The following TRERF1 variants were observed in gnomAD, a reference collection of about 807,000 sequenced individuals.
The protein encoded by TRERF1 is transcriptional-regulating factor 1.
TRERF1 carries 27 observed loss-of-function variants against 122.9 expected under a neutral mutation model. The ratio of observed to expected loss-of-function variants is 0.22; its 90% CI spans 0.16 to 0.30. The LOEUF (loss-of-function observed/expected upper bound fraction) is 0.30, where lower values mean the gene tolerates loss of function less well. TRERF1 is among the 10% of genes least tolerant of loss of function. The probability of loss-of-function intolerance (pLI) is 1.00; values close to 1 mark genes in which losing one functional copy is unlikely to be tolerated. For synonymous variants in TRERF1, 636 were observed against 641.7 expected (o/e 0.99, Z 0.13); for missense variants, 1,248 against 1,560.3 (o/e 0.80, Z 3.37).
At chr6:42,425,502 T>C (rs1373677537) in intron 2 of TRERF1, among the ~76,000 whole-genome samples, 3 of 141,490 alleles carry the variant, frequency 2.1e-5, no homozygotes, top group Non-Finnish European at 4.6e-5. Context: ...CCCTTTCACA[T>C]ACCTAAACCG....
exon 18 of TRERF1, chr6:42,226,066 T>C (rs1769461153): frequency 6.6e-6 from 1 of 152,222 alleles, no homozygotes; most frequent in South Asian, 2.1e-4. Flanking sequence ...AGGAAGTCCA[T>C]TCTTTAAGTT....
chr6:42,296,340 C>G (rs1035830933), intron 4 of TRERF1, among the ~76,000 whole-genome samples: 1 of 152,206 alleles, frequency 6.6e-6, no homozygotes, highest in African/African-American at 2.4e-5. Context: ...CCATTTTAAT[C>G]TCATTTTATA....
chr6:42,364,902 C>T (rs992735161), intron 2 of TRERF1, among the ~76,000 whole-genome samples: 5 of 152,078 alleles, frequency 3.3e-5, no homozygotes, highest in African/African-American at 1.2e-4. Flanking sequence ...TCCCAGGGGC[C>T]GCAGGAAGCA....
chr6:42,377,118 G>A lies in TRERF1; in HGVS notation c.-453-14039C>T, dbSNP rs528406640. ...TGACCTTAGGTGATCCACCTGTCTC[G>A]GCCTCCCAAAGTGCTGGAATTACAG... On this transcript the variant is annotated intron_variant, in intron 2 of 17. Coordinates refer to ENST00000372922, the Ensembl canonical transcript of TRERF1. Among the ~76,000 whole-genome samples the A allele has an allele frequency of 1.6e-4, 23 of 145,066 alleles. No individual in the cohort carries two copies. The East Asian group carries it at 1.9e-3, about 12-fold the overall frequency.
chr6:42,338,969 C>G (rs1157016728), intron 3 of TRERF1, among the ~76,000 whole-genome samples: 12 of 152,208 alleles, frequency 7.9e-5, no homozygotes, highest in Non-Finnish European at 2.9e-5. Flanking sequence ...TGCCCACCTC[C>G]ACTAGAGAGG....
At chr6:42,374,150 AAAGAAGAAGAAG>A (rs762812010) in intron 2 of TRERF1, among the ~76,000 whole-genome samples, 3 of 144,034 alleles carry the variant, frequency 2.1e-5, no homozygotes, top group Admixed American at 7.0e-5. Flanking sequence ...AAAAAAAAAA[AAAGAAGAAGAAG>A]AAGAAGAAGA....
intron 2 of TRERF1, among the ~76,000 whole-genome samples, chr6:42,439,068 G>A (rs1785998155): frequency 6.6e-6 from 1 of 152,198 alleles, no homozygotes; most frequent in Non-Finnish European, 1.5e-5. Flanking sequence ...AGGCGAGATG[G>A]AGAGAGAAAT....
At chr6:42,421,420 CCA>C (rs1782744579) in intron 2 of TRERF1, among the ~76,000 whole-genome samples, 2 of 152,162 alleles carry the variant, frequency 1.3e-5, no homozygotes. Flanking sequence ...TTCATCTGGT[CCA>C]CTCAGACTTT....
intron 13 of TRERF1, among the ~76,000 whole-genome samples, chr6:42,247,907 T>C (rs984213774): frequency 6.6e-6 from 1 of 152,118 alleles, no homozygotes; most frequent in Non-Finnish European, 1.5e-5. Context: ...ACTTCATTAG[T>C]GGGGTACACT....
intron 3 of TRERF1, among the ~76,000 whole-genome samples, chr6:42,314,734 T>A (rs1029896091): frequency 6.6e-6 from 1 of 151,950 alleles, no homozygotes; most frequent in African/African-American, 2.4e-5. Flanking sequence ...AACAATGAGA[T>A]CTGGGGAAAG....
intron 2 of TRERF1, among the ~76,000 whole-genome samples, chr6:42,429,664 A>G (rs916209207): frequency 2.0e-5 from 3 of 152,202 alleles, no homozygotes; most frequent in African/African-American, 7.2e-5. Context: ...CGAGCCCCCA[A>G]GGACACAGCA....
At position 42,232,836 on chromosome 6, in the gene TRERF1, G is replaced by A. The variant is rs757923715; in HGVS notation, c.3123C>T (p.Asn1041=). ...TGGCACCTCGGGCCTTGGTCACCTGGTTGGTGCCCCCGTGGATGCGGGCAT... is the reference window on the plus strand; with the variant it reads ...TGGCACCTCGGGCCTTGGTCACCTGATTGGTGCCCCCGTGGATGCGGGCAT... Residue 1041 remains asparagine, a synonymous_variant, in exon 17 of 18, where the codon AAC becomes AAT. Transcript: ENST00000372922. This position sits in a 1 kb window ranked among gnomAD's most constrained non-coding sequence, Gnocchi z 4.5. 4.3e-6 allele frequency: 7 copies of A among 1,612,004 alleles called. No homozygotes were observed. The highest frequency in any genetic ancestry group is 1.3e-5 in the African/African-American group (1 of 74,904).
At chr6:42,280,109 T>C (rs1438921990) in intron 4 of TRERF1, among the ~76,000 whole-genome samples, 1 of 151,888 alleles carries the variant, frequency 6.6e-6, no homozygotes, top group Non-Finnish European at 1.5e-5. Flanking sequence ...ATTCTGTAAA[T>C]ACCGGCGGCG....
Position 42,312,854 on chromosome 6 carries a change from C to T in TRERF1, c.-370-12105G>A, listed in dbSNP as rs373136999. 1.6e-4 allele frequency among the ~76,000 whole-genome samples: 25 copies of T among 152,294 alleles called. 1 individual carries two copies. The East Asian group carries it at 4.0e-3, about 25-fold the overall frequency. On this transcript the variant is annotated intron_variant, in intron 3 of 17. Transcript: ENST00000372922. ...ACAAGGGCAGAGTGGGAGACAGACA[C>T]GAAATAGGTTCTACCAATGTTCCTT...
At chr6:42,312,400 A>G (rs1013447323) in intron 3 of TRERF1, among the ~76,000 whole-genome samples, 6 of 152,186 alleles carry the variant, frequency 3.9e-5, no homozygotes, top group African/African-American at 1.2e-4. Context: ...CCTACTTTAG[A>G]GTTTCCGAAG....
intron 4 of TRERF1, among the ~76,000 whole-genome samples, chr6:42,273,242 T>C (rs1374765201): frequency 1.3e-5 from 2 of 152,144 alleles, no homozygotes; most frequent in Non-Finnish European, 2.9e-5. Context: ...AATTATTTGA[T>C]TAATGGATCT....
At chr6:42,360,360 T>C (rs1193312410) in intron 3 of TRERF1, among the ~76,000 whole-genome samples, 1 of 152,218 alleles carries the variant, frequency 6.6e-6, no homozygotes, top group Non-Finnish European at 1.5e-5. Flanking sequence ...AATTAGAAAT[T>C]AAACGGGATT....
chr6:42,277,847 G>GA (rs1561893882), intron 4 of TRERF1, among the ~76,000 whole-genome samples: 2 of 133,094 alleles, frequency 1.5e-5, no homozygotes, highest in Non-Finnish European at 3.2e-5. Context: ...AAATAAATAA[G>GA]AAGAAGAAAG....
intron 2 of TRERF1, among the ~76,000 whole-genome samples, chr6:42,436,796 T>C (rs1785433441): frequency 1.3e-5 from 1 of 74,218 alleles, no homozygotes. Context: ...GCAATCTCCC[T>C]CTACAAAAAA....
Sources: gnomAD v4.1 joint callset for allele counts (sites outside exome capture counted in the v4.1 genomes callset) on GRCh38, gnomAD v4.1.1 for gene constraint, Gnocchi (gnomAD v3.1) non-coding constraint, MANE v1.5 for transcripts, NCBI Gene and HGNC (gene_info 2026-07-23, HGNC 2026-07-21) for gene names.